Variants in DPP6 observed in about 807,000 individuals in gnomAD.
DPP6 encodes the protein A-type potassium channel modulatory protein DPP6.
DPP6 carries 69 observed loss-of-function variants against 122.6 expected under a neutral mutation model. The observed-to-expected ratio is 0.56, with a 90% confidence interval of 0.46 to 0.69. The LOEUF is 0.69. Ranked by LOEUF, DPP6 falls within the 30% of genes least tolerant of loss-of-function variation. The pLI, the probability that DPP6 is intolerant of heterozygous loss-of-function variation, is 0.00. For synonymous variants in DPP6, 418 were observed against 433.1 expected, an observed-to-expected ratio of 0.97 and a Z score of 0.43; for missense variants, 928 against 1,116.9, an observed-to-expected ratio of 0.83 and a Z score of 2.41.
chr7:153,857,819 C>G, the DPP6 span, among the ~76,000 whole-genome samples: 1 of 152,300 alleles, frequency 6.6e-6, no homozygotes, highest in African/African-American at 2.4e-5. Context: ...GCTAAAACCT[C>G]TTTAAGAACA....
At chr7:153,767,553 A>G in the DPP6 span, among the ~76,000 whole-genome samples, 1 of 92,812 alleles carries the variant, frequency 1.1e-5, no homozygotes, top group African/African-American at 4.2e-5. Flanking sequence ...TTTTTTTTGT[A>G]TTTTTACTAG....
At chr7:153,867,311 C>T in the DPP6 span, among the ~76,000 whole-genome samples, 1 of 152,142 alleles carries the variant, frequency 6.6e-6, no homozygotes, top group African/African-American at 2.4e-5. Context: ...TTGTTCATAT[C>T]CTCTTTTATT....
chr7:153,753,035 T>C, the DPP6 span, among the ~76,000 whole-genome samples: 1 of 152,352 alleles, frequency 6.6e-6, no homozygotes, highest in Admixed American at 6.5e-5. Flanking sequence ...AATAATTCTT[T>C]GTATTACTTA....
intron 1 of DPP6, among the ~76,000 whole-genome samples, chr7:154,070,309 G>T (rs1029975931): frequency 3.3e-4 from 50 of 151,316 alleles, no homozygotes; most frequent in Admixed American, 6.0e-4. Flanking sequence ...ATCCTGGCTC[G>T]GTCACAAATT....
chr7:154,452,934 C>G (rs1352744637), intron 2 of DPP6, among the ~76,000 whole-genome samples: 1 of 152,214 alleles, frequency 6.6e-6, no homozygotes, highest in East Asian at 1.9e-4. Context: ...TCATTCATAT[C>G]TCCCTTGCTG....
intron 1 of DPP6, among the ~76,000 whole-genome samples, chr7:154,421,662 GGA>G (rs10573911): frequency 0.92 from 139,424 of 152,090 alleles, 64,195 homozygotes; most frequent in East Asian, 1. Flanking sequence ...AGAGGGGATT[GGA>G]GACTGGATGA....
At chr7:154,160,378 C>T (rs1275592470) in intron 1 of DPP6, among the ~76,000 whole-genome samples, 6 of 152,198 alleles carry the variant, frequency 3.9e-5, no homozygotes, top group Admixed American at 3.9e-4. Context: ...CACCTGTTTC[C>T]ACAAGTGCTT....
chr7:153,814,953 G>A, the DPP6 span, among the ~76,000 whole-genome samples: 68 of 152,142 alleles, frequency 4.5e-4, no homozygotes, highest in African/African-American at 1.1e-3. Flanking sequence ...TTGATGGGAC[G>A]TATCTCAAAA....
At chr7:154,348,779 TCA>T (rs1447470636) in intron 1 of DPP6, among the ~76,000 whole-genome samples, 3 of 152,218 alleles carry the variant, frequency 2.0e-5, no homozygotes, top group African/African-American at 7.2e-5. Flanking sequence ...AAGATTAAAA[TCA>T]CAGTTTCAGG....
chr7:154,827,597 C>T (rs536321690), intron 16 of DPP6, among the ~76,000 whole-genome samples: 1 of 151,760 alleles, frequency 6.6e-6, no homozygotes, highest in East Asian at 2.0e-4. Flanking sequence ...GAAAGGATGG[C>T]CCACTGGGGG....
intron 1 of DPP6, chr7:154,055,506 T>C (rs1563138680): frequency 2.1e-5 from 2 of 95,458 alleles, no homozygotes; most frequent in African/African-American, 3.7e-5. Context: ...TAGGTACAGA[T>C]ACTTGCCAAG....
intron 3 of DPP6, among the ~76,000 whole-genome samples, chr7:154,532,861 G>A (rs1032344701): frequency 6.6e-6 from 1 of 152,038 alleles, no homozygotes; most frequent in African/African-American, 2.4e-5. Flanking sequence ...CAGAAACAAA[G>A]GTCTCTCTGC....
intron 1 of DPP6, among the ~76,000 whole-genome samples, chr7:154,023,252 G>C (rs542291448): frequency 6.7e-6 from 1 of 149,866 alleles, no homozygotes; most frequent in Non-Finnish European, 1.5e-5. Flanking sequence ...TGTGACCCCA[G>C]CTCATGTAAC....
At chr7:153,803,879 A>G in the DPP6 span, among the ~76,000 whole-genome samples, 5 of 151,826 alleles carry the variant, frequency 3.3e-5, no homozygotes. Context: ...ACAAGGATAT[A>G]TGTACCTCTC....
At chr7:154,578,758 G>C (rs1464942612) in intron 5 of DPP6, among the ~76,000 whole-genome samples, 8 of 152,122 alleles carry the variant, frequency 5.3e-5, no homozygotes, top group Non-Finnish European at 1.2e-4. Flanking sequence ...GTGTGTGCCT[G>C]TCCGTGAGGG....
At chr7:153,948,812 C>T (rs1229634426) in intron 1 of DPP6, among the ~76,000 whole-genome samples, 1 of 141,108 alleles carries the variant, frequency 7.1e-6, no homozygotes, top group Non-Finnish European at 1.5e-5. Context: ...GTAATCAAGC[C>T]TGGCCCATAC....
At chr7:154,473,279 G>A (rs1022967503) in intron 2 of DPP6, among the ~76,000 whole-genome samples, 2 of 152,146 alleles carry the variant, frequency 1.3e-5, no homozygotes, top group African/African-American at 4.8e-5. Context: ...GAAGCCATGT[G>A]CCTTTTCCTG....
At chr7:154,160,674 C>A (rs1796935826) in intron 1 of DPP6, among the ~76,000 whole-genome samples, 1 of 152,008 alleles carries the variant, frequency 6.6e-6, no homozygotes, top group Admixed American at 6.6e-5. Flanking sequence ...CCGGTATACC[C>A]AAATGTTTAG....
At chr7:154,495,886 T>C (rs776617800) in intron 3 of DPP6, among the ~76,000 whole-genome samples, 44 of 152,088 alleles carry the variant, frequency 2.9e-4, no homozygotes, top group Middle Eastern at 3.2e-3. Flanking sequence ...AAAGACACAC[T>C]GAACATTTGG....
Sources: gnomAD v4.1 joint callset for allele counts (sites outside exome capture counted in the v4.1 genomes callset) on GRCh38, gnomAD v4.1.1 for gene constraint, MANE v1.5 for transcripts, NCBI Gene and HGNC (gene_info 2026-07-23, HGNC 2026-07-21) for gene names.